Variants in ALG13 observed in about 807,000 individuals in gnomAD.
ALG13 encodes UDP-N-acetylglucosamine transferase subunit ALG13.
In ALG13, 11 loss-of-function variants were observed where a neutral mutation model predicts 87.8. The ratio of observed to expected loss-of-function variants is 0.13; its 90% CI spans 0.08 to 0.21. The LOEUF (loss-of-function observed/expected upper bound fraction) is 0.21. Among genes scored for constraint, ALG13 ranks in the 10% least tolerant of loss-of-function variants. The pLI, the probability that ALG13 is intolerant of heterozygous loss-of-function variation, is 1.00. For missense variants in ALG13, 756 were observed against 866.1 expected (o/e 0.87, Z 1.60); for synonymous variants, 320 against 306.3 (o/e 1.04, Z -0.47).
At chrX:111,708,771 G>A (rs1939215300) in intron 4 of ALG13, among the ~76,000 whole-genome samples, 194 bp from the exon 5 acceptor site, 1 of 111,250 alleles carries the variant, frequency 9.0e-6, no homozygotes, top group African/African-American at 3.3e-5. Context: ...AAAGGGGATG[G>A]GGCATGACAG....
intron 8 of ALG13, among the ~76,000 whole-genome samples, chrX:111,715,534 A>G (rs1940455050): frequency 9.0e-6 from 1 of 111,092 alleles, no homozygotes; most frequent in South Asian, 3.8e-4. Flanking sequence ...CCCGGCCAAT[A>G]TGGTGAAACC....
chrX:111,721,755 A>G (rs1228808997), intron 12 of ALG13, 44 bp downstream of exon 12: 14 of 960,896 alleles, frequency 1.5e-5, no homozygotes, highest in Non-Finnish European at 2.0e-5. Context: ...TGACAAATCC[A>G]GGAGTATAAT....
chrX:111,720,877 G>A (rs1274083760), intron 11 of ALG13, among the ~76,000 whole-genome samples: 1 of 110,133 alleles, frequency 9.1e-6, no homozygotes, highest in African/African-American at 3.3e-5. Context: ...CCTGGTTTGT[G>A]TTGCATTGGT....
intron 3 of ALG13, among the ~76,000 whole-genome samples, chrX:111,703,852 G>A (rs1194320721): frequency 8.9e-6 from 1 of 111,903 alleles, no homozygotes; most frequent in Non-Finnish European, 1.9e-5. Flanking sequence ...AGGTTTTGGT[G>A]TTACCATTTC....
rs147181294 is a variant in ALG13 at position 111,725,212 on chromosome X, A to G, written c.1729+151A>G. On this transcript the variant is annotated intron_variant, in intron 15 of 26. Coordinates refer to ENST00000394780, the MANE Select transcript of ALG13 (RefSeq NM_001099922.3). The stretch of plus-strand genomic sequence containing the variant: ...CATTACTGATAATGGAATGGATACT[A>G]CTTCACTGTCGGGGGTTTGTCCTGT... 1.1e-3 allele frequency among the ~76,000 whole-genome samples: 125 copies of G among 111,875 alleles called. 1 individual carries two copies. The highest frequency in any genetic ancestry group is 4.6e-3 in the Middle Eastern group (1 of 217).
intron 8 of ALG13, 38 bp from the exon 9 acceptor site, chrX:111,717,808 G>A: frequency 1.0e-6 from 1 of 994,228 alleles, no homozygotes; most frequent in Non-Finnish European, 1.4e-6. Flanking sequence ...TTTAAGATGT[G>A]TAACATTCAC....
intron 24 of ALG13, among the ~76,000 whole-genome samples, chrX:111,747,917 G>A (rs184751784): frequency 8.9e-6 from 1 of 112,603 alleles, no homozygotes; most frequent in South Asian, 3.7e-4. Context: ...ATTCCCACCA[G>A]CAATGAATGA....
At chrX:111,704,032 T>A (rs777575903) in intron 3 of ALG13, among the ~76,000 whole-genome samples, 20 of 112,000 alleles carry the variant, frequency 1.8e-4, no homozygotes, top group Non-Finnish European at 2.8e-4. Flanking sequence ...TATTGTCAGT[T>A]AAAAAAATTA....
Position 111,720,185 on chromosome X carries a change from A to G in ALG13, c.1326+15A>G. 9.0e-7 allele frequency: 1 copy of G among 1,114,608 alleles called. No individual in the cohort carries two copies. Among genetic ancestry groups the G allele is most frequent in the South Asian group, 2.2e-5 (1 of 46,404 alleles). The allele number at this position is 1,114,608 out of a possible 1,213,427, so 91.9% of individuals were successfully genotyped here. On this transcript the variant is annotated intron_variant, in intron 11 of 26. Transcript: ENST00000394780. ...AAGAAACAAAGGTTTGATATTTTCT[A>G]AGGCAAAGAATTTTCATAGTCTTGG... is the stretch of plus-strand genomic sequence containing the variant.
In ALG13 at chrX:111,757,652, T is replaced by A. The variant is rs757875463; in HGVS notation, c.3038T>A (p.Val1013Glu). The change falls in exon 26 of 27, where the codon GTA (valine) becomes GAA (glutamate). Residue 1013 changes from valine to glutamate, a missense_variant. Around this residue, in one of 9 missense-constraint regions of ALG13, gnomAD observed 110 missense variants for 104.9 expected, o/e 1.05. Coordinates refer to ENST00000394780, the MANE Select transcript of ALG13 (RefSeq NM_001099922.3). The part of the protein sequence containing the change: ...YVPQMQQQLH[V>E]ENYPVYTEPP... ...CCACAGATGCAGCAGCAGCTTCATGTAGAGAATTATCCAGTCTATACTGAG... is the reference window on the plus strand; with the variant it reads ...CCACAGATGCAGCAGCAGCTTCATGAAGAGAATTATCCAGTCTATACTGAG... 5 of 1,206,956 alleles carry A rather than the reference T, an allele frequency of 4.1e-6. No individual in the cohort carries two copies. In the East Asian group the frequency reaches 1.2e-4, roughly 29 times the overall value.
intron 6 of ALG13, among the ~76,000 whole-genome samples, chrX:111,712,158 A>G (rs751202829): frequency 8.9e-5 from 10 of 112,133 alleles, no homozygotes; most frequent in Non-Finnish European, 1.3e-4. Context: ...AGTTAATTCC[A>G]TAGTTCTGGA....
At chrX:111,759,018 A>G (rs1348218338) in intron 26 of ALG13, among the ~76,000 whole-genome samples, 2 of 110,579 alleles carry the variant, frequency 1.8e-5, no homozygotes, top group Non-Finnish European at 3.8e-5. Context: ...AAAGCATATT[A>G]CAGTGTCAAT....
intron 5 of ALG13, among the ~76,000 whole-genome samples, chrX:111,710,329 A>G (rs931864354): frequency 5.4e-5 from 6 of 111,462 alleles, no homozygotes; most frequent in Non-Finnish European, 9.4e-5. Flanking sequence ...CACTGCGTGC[A>G]GTGGAGATTT....
Position 111,757,761 on chromosome X carries a change from T to C in ALG13, c.3147T>C (p.Asn1049=). ...EDGIQAEASA[N]DTFPNADSSS... Reference sequence around the variant, plus strand: ...GCATACAGGCGGAAGCATCAGCAAATGGTGAGTGTGTAATGAGATTGCCAG... The same window carrying C: ...GCATACAGGCGGAAGCATCAGCAAACGGTGAGTGTGTAATGAGATTGCCAG... Residue 1049 remains asparagine, a splice_region_variant and synonymous_variant, in exon 26 of 27, where the codon AAT becomes AAC. Transcript: ENST00000394780. 8.3e-7 allele frequency: 1 copy of C among 1,203,942 alleles called. No homozygotes were observed. The highest frequency in any genetic ancestry group is 1.8e-5 in the South Asian group (1 of 55,346).
intron 26 of ALG13, 57 bp from the exon 27 acceptor site, chrX:111,759,677 G>C: frequency 9.8e-7 from 1 of 1,019,895 alleles, no homozygotes; most frequent in Non-Finnish European, 1.3e-6. Context: ...GTTGCATGGG[G>C]TTCTGTTTTG....
At chrX:111,756,261 C>T (rs7892373) in intron 25 of ALG13, among the ~76,000 whole-genome samples, 21,934 of 110,014 alleles carry the variant, frequency 0.2, 5,297 homozygotes, top group African/African-American at 0.68. Context: ...GGGCCTGTCG[C>T]GGGGTTGGGG....
At chrX:111,682,973 C>T (rs1390797362) in intron 2 of ALG13, among the ~76,000 whole-genome samples, 3 of 110,533 alleles carry the variant, frequency 2.7e-5, no homozygotes, top group Admixed American at 9.6e-5. Flanking sequence ...GCAGTTTTGA[C>T]TGTTGTGAAG....
chrX:111,709,994 C>A (rs774926540), intron 5 of ALG13, among the ~76,000 whole-genome samples: 2 of 109,965 alleles, frequency 1.8e-5, no homozygotes, highest in Non-Finnish European at 3.8e-5. Flanking sequence ...TACAGGTTTT[C>A]ATTCAGTAGG....
chrX:111,718,814 T>C (rs1940989723), intron 10 of ALG13, among the ~76,000 whole-genome samples: 1 of 111,978 alleles, frequency 8.9e-6, no homozygotes, highest in East Asian at 2.8e-4. Flanking sequence ...GCCTTTGGTA[T>C]GCACTGTGAG....
Sources: allele counts gnomAD v4.1 joint callset (sites outside exome capture counted in the v4.1 genomes callset), GRCh38; gene constraint gnomAD v4.1.1; regional missense constraint gnomAD v4.1.1; transcripts MANE v1.5; gene names NCBI Gene and HGNC (gene_info 2026-07-23, HGNC 2026-07-21).